Variants in RPS3 observed in about 807,000 individuals in gnomAD.
The protein encoded by RPS3 is small ribosomal subunit protein uS3.
A neutral mutation model predicts 25.8 loss-of-function variants in RPS3; 2 were observed. The observed-to-expected ratio is 0.08, with a 90% confidence interval of 0.03 to 0.24. RPS3 has a LOEUF of 0.24. RPS3 is among the 10% of genes least tolerant of loss of function. The probability of loss-of-function intolerance (pLI) is 1.00; values close to 1 mark genes in which losing one functional copy is unlikely to be tolerated. For missense variants in RPS3, 107 were observed against 307.1 expected (o/e 0.35, Z 4.87); for synonymous variants, 114 against 114.2 (o/e 1.00, Z 0.01).
intron 6 of RPS3, among the ~76,000 whole-genome samples, chr11:75,414,848 A>G (rs1452313262): frequency 6.6e-6 from 1 of 152,204 alleles, no homozygotes; most frequent in Admixed American, 6.5e-5. Context: ...AACCAGGAGA[A>G]GCACAATGTG....
At chr11:75,417,217 C>T (rs1948406484) in intron 6 of RPS3, among the ~76,000 whole-genome samples, 1 of 152,118 alleles carries the variant, frequency 6.6e-6, no homozygotes, top group Non-Finnish European at 1.5e-5. Context: ...CATCTGTTAT[C>T]CCAGCACTTT....
At chr11:75,419,279 C>G (rs377562906) in intron 6 of RPS3, among the ~76,000 whole-genome samples, 1 of 152,240 alleles carries the variant, frequency 6.6e-6, no homozygotes, top group East Asian at 1.9e-4. Context: ...TCTGGCTGGG[C>G]TTGGTGGCTC....
intron 6 of RPS3, among the ~76,000 whole-genome samples, chr11:75,416,521 T>C (rs1165143657): frequency 6.8e-6 from 1 of 147,250 alleles, no homozygotes; most frequent in Non-Finnish European, 1.5e-5. Flanking sequence ...TACAGTGGCA[T>C]GATCTCAGCT....
intron 3 of RPS3, 129 bp downstream of exon 3, chr11:75,401,862 T>C: frequency 4.6e-6 from 3 of 646,180 alleles, no homozygotes; most frequent in Non-Finnish European, 5.6e-6. Flanking sequence ...ATTCTCTTAA[T>C]GAATAATGGG....
intron 6 of RPS3, among the ~76,000 whole-genome samples, chr11:75,414,329 C>T (rs1025268810): frequency 2.2e-4 from 33 of 151,956 alleles, no homozygotes; most frequent in African/African-American, 7.2e-4. Flanking sequence ...AGGTTACTGT[C>T]GGCCGGGTGC....
intron 3 of RPS3, 182 bp downstream of exon 3, chr11:75,401,915 G>A (rs1948215225): frequency 1.0e-5 from 6 of 584,436 alleles, no homozygotes; most frequent in Non-Finnish European, 1.8e-5. Flanking sequence ...GATGGTTAAA[G>A]GATTTTACAT....
chr11:75,402,512 TTAATTTAGCAGATGAAC>T, intron 4 of RPS3, 66 bp downstream of exon 4: 1 of 1,518,714 alleles, frequency 6.6e-7, no homozygotes, highest in Non-Finnish European at 9.0e-7. Flanking sequence ...CTGCCATTTG[TTAATTTAGCAGATGAAC>T]TGTTACAAAG....
chr11:75,416,943 CT>C (rs982358727), intron 6 of RPS3, among the ~76,000 whole-genome samples: 1 of 152,200 alleles, frequency 6.6e-6, no homozygotes, highest in South Asian at 2.1e-4. Flanking sequence ...AAACCATTCT[CT>C]TTTTTTCCTT....
At chr11:75,415,001 G>T (rs1035883513) in intron 6 of RPS3, among the ~76,000 whole-genome samples, 1 of 152,198 alleles carries the variant, frequency 6.6e-6, no homozygotes, top group African/African-American at 2.4e-5. Flanking sequence ...CCACCAAGGG[G>T]AGGTCCAAGA....
intron 6 of RPS3, among the ~76,000 whole-genome samples, chr11:75,416,948 T>C (rs907679303): frequency 6.6e-6 from 1 of 152,218 alleles, no homozygotes; most frequent in African/African-American, 2.4e-5. Flanking sequence ...ATTCTCTTTT[T>C]TTCCTTATAA....
intron 2 of RPS3, 77 bp downstream of exon 2, chr11:75,400,901 G>T (rs956095947): frequency 1.7e-5 from 26 of 1,492,914 alleles, no homozygotes; most frequent in Non-Finnish European, 1.9e-5. Flanking sequence ...TTATTTTTTT[G>T]AGACGGAGTC....
chr11:75,402,347 T>C lies in RPS3; in HGVS notation c.256-5T>C. 1 of 1,613,626 alleles carries C rather than the reference T, an allele frequency of 6.2e-7. No individual in the cohort carries two copies. The highest frequency in any genetic ancestry group is 8.5e-7 in the Non-Finnish European group (1 of 1,179,532). ...GTAACAGGATATCCCTTGCTTCCTT[T>C]AAAGCTTTATGCTGAAAAGGTGGCC... On this transcript the variant is annotated splice_region_variant and splice_polypyrimidine_tract_variant and intron_variant, in intron 3 of 6. Transcript: ENST00000531188.
chr11:75,400,885 A>T (rs977679186), intron 2 of RPS3, 61 bp downstream of exon 2: 3 of 1,547,018 alleles, frequency 1.9e-6, no homozygotes, highest in Non-Finnish European at 2.6e-6. Context: ...TGGTTTATTT[A>T]TTTATTTATT....
At chr11:75,409,197 ATTTT>A (rs1268469985), downstream of RPS3, among the ~76,000 whole-genome samples, 2 of 146,118 alleles carry the variant, frequency 1.4e-5, no homozygotes, top group African/African-American at 5.1e-5. Flanking sequence ...TTATTTATTT[ATTTT>A]TTTATTGATC....
intron 6 of RPS3, among the ~76,000 whole-genome samples, chr11:75,417,455 G>A (rs1948408864): frequency 6.6e-6 from 1 of 152,188 alleles, no homozygotes; most frequent in African/African-American, 2.4e-5. Context: ...AAATTAGCCA[G>A]GCGTGGTGGC....
Position 75,404,897 on chromosome 11 carries a change from G to T in RPS3, c.*3+29G>T. On this transcript the variant is annotated intron_variant, in intron 6 of 6. Transcript: ENST00000531188. This position sits in a 1 kb window ranked among gnomAD's most constrained non-coding sequence, Gnocchi z 4.6. Reference sequence around the variant, plus strand: ...TGTCTGCAAGGGCAGGGGCCTCTTGGGGCATAATAGGGTCCTTCCGAGTCT... The same window carrying T: ...TGTCTGCAAGGGCAGGGGCCTCTTGTGGCATAATAGGGTCCTTCCGAGTCT... 7.0e-7 allele frequency: 1 copy of T among 1,429,870 alleles called. No individual in the cohort carries two copies. Among genetic ancestry groups the T allele is most frequent in the Non-Finnish European group, 9.6e-7 (1 of 1,046,330 alleles). The allele number at this position is 1,429,870 out of a possible 1,614,324, so 88.6% of individuals were successfully genotyped here.
chr11:75,420,857 T>A (rs1209274089), intron 6 of RPS3, among the ~76,000 whole-genome samples: 2 of 151,852 alleles, frequency 1.3e-5, no homozygotes, highest in African/African-American at 2.4e-5. Context: ...GTTGAGGTTA[T>A]AAGGTGGGCC....
At chr11:75,415,805 C>CA (rs575409808) in intron 6 of RPS3, among the ~76,000 whole-genome samples, 19,616 of 61,886 alleles carry the variant, frequency 0.32, 3,611 homozygotes, top group Non-Finnish European at 0.39. Context: ...GACTCCATCT[C>CA]AAAAAAAAAA....
chr11:75,414,775 C>G (rs1948383338), intron 6 of RPS3, among the ~76,000 whole-genome samples: 1 of 152,198 alleles, frequency 6.6e-6, no homozygotes, highest in Non-Finnish European at 1.5e-5. Flanking sequence ...GTAATGTGAG[C>G]TCTTGGGGAT....
Sources: allele counts gnomAD v4.1 joint callset (sites outside exome capture counted in the v4.1 genomes callset), GRCh38; gene constraint gnomAD v4.1.1; non-coding constraint Gnocchi (gnomAD v3.1); transcripts MANE v1.5; gene names NCBI Gene and HGNC (gene_info 2026-07-23, HGNC 2026-07-21).